The following TEX9 variants were observed in gnomAD, a reference collection of about 807,000 sequenced individuals.
The protein encoded by TEX9 is testis expressed 9.
TEX9 carries 74 observed loss-of-function variants against 59.6 expected under a neutral mutation model. The observed-to-expected ratio is 1.24, with a 90% CI of 1.03 to 1.51. The LOEUF (loss-of-function observed/expected upper bound fraction) is 1.51, where lower values mean the gene tolerates loss of function less well. Among genes scored for constraint, TEX9 ranks in the 40% most tolerant of loss-of-function variants. TEX9 has a pLI of 0.00. For missense variants in TEX9, 522 were observed against 447.8 expected (o/e 1.17, Z -1.49); for synonymous variants, 186 against 152.2 (o/e 1.22, Z -1.64).
chr15:56,296,292 T>G (rs1255949305), intron 1 of TEX9, among the ~76,000 whole-genome samples: 1 of 152,230 alleles, frequency 6.6e-6, no homozygotes, highest in Non-Finnish European at 1.5e-5. Flanking sequence ...TTCTGTGACA[T>G]TCATTCTAGT....
chr15:56,270,491 G>C (rs527430755), intron 1 of TEX9, among the ~76,000 whole-genome samples: 17 of 152,106 alleles, frequency 1.1e-4, no homozygotes, highest in Non-Finnish European at 4.4e-5. Flanking sequence ...CTTGCTTTGC[G>C]TTTGCTTGAT....
At chr15:56,357,611 TTC>T (rs2046708421) in intron 1 of TEX9, among the ~76,000 whole-genome samples, 1 of 152,178 alleles carries the variant, frequency 6.6e-6, no homozygotes, top group South Asian at 2.1e-4. Context: ...TGTTTAACCA[TTC>T]TCTGTTCATT....
At chr15:56,358,908 A>G (rs2046739636) in intron 1 of TEX9, among the ~76,000 whole-genome samples, 1 of 152,080 alleles carries the variant, frequency 6.6e-6, no homozygotes. Flanking sequence ...GCCGCCACGT[A>G]AGACATGCCT....
chr15:56,389,598 A>G (rs1324592710), intron 6 of TEX9, among the ~76,000 whole-genome samples, 198 bp downstream of exon 6: 1 of 151,898 alleles, frequency 6.6e-6, no homozygotes, highest in Non-Finnish European at 1.5e-5. Flanking sequence ...GTTAACAAAT[A>G]TTTTATATTG....
chr15:56,265,948 T>C (rs1431834863), intron 1 of TEX9, among the ~76,000 whole-genome samples: 2 of 152,206 alleles, frequency 1.3e-5, no homozygotes, highest in Non-Finnish European at 2.9e-5. Flanking sequence ...AAAAGACCTT[T>C]TGATATGATA....
chr15:56,443,417 T>A (rs2050851971), intron 12 of TEX9: 1 of 1,532,554 alleles, frequency 6.5e-7, no homozygotes, highest in Non-Finnish European at 8.8e-7. Context: ...TTCTTTCCAT[T>A]TCTGAAACTT....
At chr15:56,274,563 A>G (rs948610825) in intron 1 of TEX9, 1 of 152,088 alleles carries the variant, frequency 6.6e-6, no homozygotes, top group South Asian at 2.1e-4. Context: ...TTTGTCTGTC[A>G]TCCTTGCACA....
At chr15:56,431,434 T>G (rs2050592688) in intron 12 of TEX9, 5 of 1,613,736 alleles carry the variant, frequency 3.1e-6, no homozygotes, top group East Asian at 2.2e-5. Context: ...CCTTTCTTCT[T>G]CAATAATTGC....
intron 9 of TEX9, among the ~76,000 whole-genome samples, chr15:56,398,601 T>C (rs1387986641): frequency 6.6e-6 from 1 of 152,244 alleles, no homozygotes; most frequent in Non-Finnish European, 1.5e-5. Context: ...GGCCATCATG[T>C]CCAATCCTGT....
chr15:56,389,009 G>C (rs1250559224), intron 5 of TEX9, among the ~76,000 whole-genome samples: 2 of 151,950 alleles, frequency 1.3e-5, no homozygotes, highest in Non-Finnish European at 2.9e-5. Context: ...GGAATAATTG[G>C]TTCATGAGGA....
At chr15:56,344,934 G>A (rs1355180773) in intron 1 of TEX9, among the ~76,000 whole-genome samples, 3 of 151,388 alleles carry the variant, frequency 2.0e-5, no homozygotes, top group Non-Finnish European at 2.9e-5. Context: ...CACAATGACT[G>A]TTACTATTAC....
At chr15:56,406,697 T>G (rs192188227) in intron 9 of TEX9, among the ~76,000 whole-genome samples, 1 of 152,174 alleles carries the variant, frequency 6.6e-6, no homozygotes, top group Non-Finnish European at 1.5e-5. Context: ...TTTATAACTA[T>G]GGATATTGAA....
At position 56,389,256 on chromosome 15, in the gene TEX9, T is replaced by C. The variant is rs568567292; in HGVS notation, c.313-62T>C. On this transcript the variant is annotated intron_variant, in intron 5 of 12. Coordinates refer to ENST00000352903, the Ensembl canonical transcript of TEX9. ...TAGCAAAATTCTATGTGTTACAGAA[T>C]TGCTTTCTTTGGCAAATGATTAGAC... The C allele has an allele frequency of 8.6e-5, 114 of 1,323,516 alleles. No individual in the cohort carries two copies. In the East Asian group the frequency reaches 2.5e-3, roughly 29 times the overall value. The allele number at this position is 1,323,516 out of a possible 1,614,324, so 82.0% of individuals were successfully genotyped here.
At position 56,266,500 on chromosome 15, in the gene TEX9, C is replaced by T. The variant is rs536147270; in HGVS notation, c.-107+22222C>T. On this transcript the variant is annotated intron_variant, in intron 1 of 5. Transcript: ENST00000560827. Reference sequence around the variant, plus strand: ...ATCCCCCCCACCCAATGACAGGCCCCGGTGTGTGATATTCCCTGCCCTGTG... The same window carrying T: ...ATCCCCCCCACCCAATGACAGGCCCTGGTGTGTGATATTCCCTGCCCTGTG... Among the ~76,000 whole-genome samples the T allele has an allele frequency of 8.8e-4, 131 of 148,968 alleles. 1 individual carries two copies. Among genetic ancestry groups the T allele is most frequent in the Middle Eastern group, 3.4e-3 (1 of 292 alleles).
At chr15:56,303,824 G>A (rs1030784343) in intron 1 of TEX9, among the ~76,000 whole-genome samples, 6 of 152,200 alleles carry the variant, frequency 3.9e-5, no homozygotes, top group East Asian at 1.9e-4. Context: ...CATTTCAACC[G>A]ATACCACAGA....
chr15:56,450,788 T>C (rs1480503256), downstream of TEX9, among the ~76,000 whole-genome samples: 1 of 152,208 alleles, frequency 6.6e-6, no homozygotes, highest in East Asian at 1.9e-4. Context: ...AATTGCTGGC[T>C]CATATGGTAA....
the TEX9 span, among the ~76,000 whole-genome samples, chr15:56,452,699 T>C: frequency 6.6e-6 from 1 of 151,986 alleles, no homozygotes; most frequent in Non-Finnish European, 1.5e-5. Context: ...TTTGTATTTT[T>C]AGTAGAGACG....
At chr15:56,351,800 T>C (rs1448435646) in intron 1 of TEX9, among the ~76,000 whole-genome samples, 1 of 152,226 alleles carries the variant, frequency 6.6e-6, no homozygotes, top group Non-Finnish European at 1.5e-5. Context: ...AAAACTTCTT[T>C]TTGTCATTGT....
chr15:56,389,923 T>C (rs1745208195), intron 6 of TEX9, among the ~76,000 whole-genome samples: 1 of 151,912 alleles, frequency 6.6e-6, no homozygotes, highest in South Asian at 2.1e-4. Flanking sequence ...AGATGCTCCC[T>C]AGGATAGGAT....
Sources: gnomAD v4.1 joint callset for allele counts (sites outside exome capture counted in the v4.1 genomes callset) on GRCh38, gnomAD v4.1.1 for gene constraint, MANE v1.5 for transcripts, NCBI Gene and HGNC (gene_info 2026-07-23, HGNC 2026-07-21) for gene names.